Variants in AGBL4 observed in about 807,000 individuals in gnomAD.
The protein encoded by AGBL4 is cytosolic carboxypeptidase 6.
In AGBL4, 58 loss-of-function variants were observed where a neutral mutation model predicts 66.4. That is an observed-to-expected ratio of 0.87 (90% CI 0.71 to 1.09). The LOEUF is 1.09. Ranked by LOEUF, AGBL4 falls within the 50% of genes least tolerant of loss-of-function variation. The pLI is 0.00. For synonymous variants in AGBL4, 234 were observed against 222.9 expected (o/e 1.05, Z -0.44); for missense variants, 579 against 631.0 (o/e 0.92, Z 0.88).
At chr1:48,707,495 T>G (rs1417074816) in intron 6 of AGBL4, among the ~76,000 whole-genome samples, 1 of 152,140 alleles carries the variant, frequency 6.6e-6, no homozygotes, top group Admixed American at 6.5e-5. Flanking sequence ...AATCAACACA[T>G]GCCTTGGGCA....
At chr1:48,674,417 T>C (rs909500496) in intron 6 of AGBL4, among the ~76,000 whole-genome samples, 7 of 151,710 alleles carry the variant, frequency 4.6e-5, no homozygotes, top group African/African-American at 1.7e-4. Context: ...TAGACCCAGG[T>C]CTGGTTAACG....
chr1:48,774,517 T>C (rs116745590), intron 6 of AGBL4, among the ~76,000 whole-genome samples: 60 of 152,098 alleles, frequency 3.9e-4, no homozygotes, highest in African/African-American at 1.4e-3. Flanking sequence ...TGAAGAGAGG[T>C]AAGGGGAAGT....
At chr1:49,273,533 ACT>A (rs1258486979) in intron 3 of AGBL4, among the ~76,000 whole-genome samples, 3 of 150,432 alleles carry the variant, frequency 2.0e-5, no homozygotes, top group Non-Finnish European at 4.4e-5. Context: ...TATATTCAAA[ACT>A]CATTAAAATT....
chr1:49,747,363 GA>G (rs939965261), intron 2 of AGBL4, among the ~76,000 whole-genome samples: 1 of 152,028 alleles, frequency 6.6e-6, no homozygotes, highest in African/African-American at 2.4e-5. Context: ...ATAGCGTAGT[GA>G]AAATAGAAGC....
intron 11 of AGBL4, among the ~76,000 whole-genome samples, chr1:48,567,894 C>T (rs1644501337): frequency 6.6e-6 from 1 of 152,076 alleles, no homozygotes; most frequent in Admixed American, 6.6e-5. Flanking sequence ...GGTTATTGGC[C>T]CTGAGGCTTG....
intron 4 of AGBL4, among the ~76,000 whole-genome samples, chr1:49,122,923 G>A (rs149492845): frequency 0.028 from 4,193 of 152,042 alleles, 171 homozygotes; most frequent in African/African-American, 0.096. Flanking sequence ...GTGCGATCTC[G>A]GCTCACTGCA....
chr1:49,599,033 G>T (rs1014517435), intron 3 of AGBL4, among the ~76,000 whole-genome samples: 2 of 152,182 alleles, frequency 1.3e-5, no homozygotes, highest in Non-Finnish European at 2.9e-5. Context: ...TCGCATCATT[G>T]TTGATCAGGG....
intron 3 of AGBL4, among the ~76,000 whole-genome samples, chr1:49,395,533 A>AGTGTGTGTGT (rs149386987): frequency 2.0e-4 from 28 of 139,404 alleles, no homozygotes; most frequent in Middle Eastern, 7.1e-3. Flanking sequence ...GCCAAACACT[A>AGTGTGTGTGT]GTGTGTGTGT....
intron 3 of AGBL4, among the ~76,000 whole-genome samples, chr1:49,259,900 C>T (rs1420523736): frequency 4.2e-5 from 6 of 141,550 alleles, no homozygotes; most frequent in Non-Finnish European, 9.4e-5. Flanking sequence ...TGACCACATA[C>T]TTGGAAGTAA....
At chr1:49,070,246 T>C (rs1160441638) in intron 4 of AGBL4, among the ~76,000 whole-genome samples, 1 of 152,002 alleles carries the variant, frequency 6.6e-6, no homozygotes, top group Non-Finnish European at 1.5e-5. Flanking sequence ...CTGATTGCCC[T>C]GGCCAGAATT....
At chr1:49,237,828 A>G (rs1650908341) in intron 4 of AGBL4, among the ~76,000 whole-genome samples, 1 of 151,926 alleles carries the variant, frequency 6.6e-6, no homozygotes, top group African/African-American at 2.4e-5. Flanking sequence ...ATATACTAAG[A>G]GTCCTTTTAA....
chr1:49,286,976 T>A (rs369737897), intron 3 of AGBL4, among the ~76,000 whole-genome samples: 1 of 151,980 alleles, frequency 6.6e-6, no homozygotes, highest in South Asian at 2.1e-4. Flanking sequence ...TACAAGGCTA[T>A]AGTAACCAAA....
chr1:48,753,911 C>T (rs1652123645), intron 6 of AGBL4, among the ~76,000 whole-genome samples: 1 of 152,182 alleles, frequency 6.6e-6, no homozygotes, highest in African/African-American at 2.4e-5. Context: ...AAATCTAAAA[C>T]CATCATCTGC....
intron 4 of AGBL4, among the ~76,000 whole-genome samples, chr1:49,124,826 G>A (rs1229541483): frequency 1.3e-5 from 2 of 152,190 alleles, no homozygotes; most frequent in Non-Finnish European, 2.9e-5. Context: ...AAGTCTCATA[G>A]TGGGATTATA....
At chr1:48,942,235 T>G (rs988079778) in intron 5 of AGBL4, among the ~76,000 whole-genome samples, 1 of 151,506 alleles carries the variant, frequency 6.6e-6, no homozygotes, top group Non-Finnish European at 1.5e-5. Flanking sequence ...GACAAAGGCC[T>G]ACTGAAGGAC....
chr1:48,783,902 A>G (rs1006971367), intron 6 of AGBL4, among the ~76,000 whole-genome samples: 1 of 152,218 alleles, frequency 6.6e-6, no homozygotes, highest in African/African-American at 2.4e-5. Flanking sequence ...TATTATTTTC[A>G]GGAAAAATAT....
intron 4 of AGBL4, among the ~76,000 whole-genome samples, chr1:49,108,883 T>C (rs1399900244): frequency 1.3e-5 from 2 of 152,128 alleles, no homozygotes; most frequent in African/African-American, 4.8e-5. Flanking sequence ...CAAAGTGCAC[T>C]AAACTGCAGA....
intron 3 of AGBL4, among the ~76,000 whole-genome samples, chr1:49,473,328 T>C (rs1284748652): frequency 6.6e-6 from 1 of 152,084 alleles, no homozygotes; most frequent in Non-Finnish European, 1.5e-5. Context: ...TTTTTAATAA[T>C]AGCCATTCTG....
intron 9 of AGBL4, among the ~76,000 whole-genome samples, chr1:48,597,277 C>T (rs1400589508): frequency 6.6e-6 from 1 of 152,202 alleles, no homozygotes; most frequent in Non-Finnish European, 1.5e-5. Flanking sequence ...TGTGAACCTA[C>T]TATGTTCCTG....
Sources: gnomAD v4.1 joint callset for allele counts (sites outside exome capture counted in the v4.1 genomes callset) on GRCh38, gnomAD v4.1.1 for gene constraint, MANE v1.5 for transcripts, NCBI Gene and HGNC (gene_info 2026-07-23, HGNC 2026-07-21) for gene names.